The following CASS4 variants were observed in gnomAD, a reference collection of about 807,000 sequenced individuals.
CASS4 encodes the protein cas scaffolding protein family member 4.
In CASS4, 22 loss-of-function variants were observed where a neutral mutation model predicts 54.2. That is an observed-to-expected ratio of 0.41 (90% CI 0.29 to 0.58). The LOEUF is 0.58. Ranked by LOEUF, CASS4 falls within the 20% of genes least tolerant of loss-of-function variation. The pLI is 0.36. For missense variants in CASS4, 854 were observed against 986.7 expected (o/e 0.87, Z 1.80); for synonymous variants, 409 against 391.5 (o/e 1.04, Z -0.53).
chr20:56,435,899 C>T (rs911323852), intron 1 of CASS4, among the ~76,000 whole-genome samples: 4 of 152,062 alleles, frequency 2.6e-5, no homozygotes, highest in Admixed American at 6.6e-5. Context: ...TACAGGCATG[C>T]GCTACTCTGC....
intron 1 of CASS4, among the ~76,000 whole-genome samples, chr20:56,417,641 T>C (rs1294745105): frequency 2.0e-5 from 3 of 152,248 alleles, no homozygotes. Flanking sequence ...AGTTGCTCAA[T>C]ACATGCTTTG....
At chr20:56,434,582 G>A (rs930172636) in intron 1 of CASS4, among the ~76,000 whole-genome samples, 9 of 151,072 alleles carry the variant, frequency 6.0e-5, no homozygotes, top group Admixed American at 4.6e-4. Context: ...GTCTACAGGT[G>A]CACGCCACCA....
chr20:56,424,000 T>C (rs1478641457), intron 1 of CASS4, among the ~76,000 whole-genome samples: 1 of 152,188 alleles, frequency 6.6e-6, no homozygotes, highest in Non-Finnish European at 1.5e-5. Flanking sequence ...GAAACTCAGT[T>C]CTTTTCCTAG....
intron 2 of CASS4, among the ~76,000 whole-genome samples, chr20:56,443,650 G>A (rs970443356): frequency 2.6e-5 from 4 of 152,038 alleles, no homozygotes; most frequent in Non-Finnish European, 4.4e-5. Context: ...AGGTAGCATC[G>A]TGATGGGATG....
intron 1 of CASS4, among the ~76,000 whole-genome samples, chr20:56,431,911 T>G (rs1232597838): frequency 6.2e-4 from 95 of 152,356 alleles, no homozygotes; most frequent in Non-Finnish European, 4.4e-5. Context: ...GGCTTTTATT[T>G]TCCCTTTTGT....
chr20:56,436,799 A>C (rs957371579), intron 1 of CASS4, among the ~76,000 whole-genome samples: 1 of 152,038 alleles, frequency 6.6e-6, no homozygotes, highest in Non-Finnish European at 1.5e-5. Context: ...GGGTGGGAGG[A>C]CTGCCTGAGC....
At chr20:56,446,861 G>A (rs1380295647) in intron 3 of CASS4, among the ~76,000 whole-genome samples, 1 of 152,126 alleles carries the variant, frequency 6.6e-6, no homozygotes, top group Non-Finnish European at 1.5e-5. Flanking sequence ...CACAGTTCCA[G>A]TCTAAATAAA....
Position 56,451,791 on chromosome 20 carries a change from C to T in CASS4, c.643-28C>T, listed in dbSNP as rs139441315. 8.8e-5 allele frequency: 138 copies of T among 1,563,542 alleles called. No homozygotes were observed. The African/African-American group carries it at 1.6e-3, about 18-fold the overall frequency. ...GCGCCCTCTTTGGAAAGCTACTAACCCGGCAACTATGTGTGGTTCTCCCAC... is the reference window on the plus strand; with the variant it reads ...GCGCCCTCTTTGGAAAGCTACTAACTCGGCAACTATGTGTGGTTCTCCCAC... On this transcript the variant is annotated intron_variant, in intron 4 of 5. Transcript: ENST00000679887.
In CASS4 at chr20:56,412,272, A is replaced by C; in HGVS notation, c.-187A>C. On this transcript the variant is annotated 5_prime_UTR_variant, in exon 1 of 6. Transcript: ENST00000679887. This position sits in a 1 kb window ranked among gnomAD's most constrained non-coding sequence, Gnocchi z 4.2. ...GCTTCACTGCTTTCATTTTACTCTT[A>C]TCGTGCTTTCCAGAAAGTTTGCCTG... 1 of 647,250 alleles carries C rather than the reference A, an allele frequency of 1.5e-6. No homozygotes were observed. The highest frequency in any genetic ancestry group is 2.7e-6 in the Non-Finnish European group (1 of 367,252). The allele number at this position is 647,250 out of a possible 1,614,324, so 40.1% of individuals were successfully genotyped here.
intron 1 of CASS4, among the ~76,000 whole-genome samples, chr20:56,434,091 A>G (rs735780): frequency 0.13 from 19,547 of 152,194 alleles, 2,720 homozygotes; most frequent in East Asian, 0.41. Context: ...TGCACAGGGT[A>G]GATTAGGGTA....
At chr20:56,416,770 C>T (rs1350587683) in intron 1 of CASS4, among the ~76,000 whole-genome samples, 8 of 152,186 alleles carry the variant, frequency 5.3e-5, no homozygotes, top group Non-Finnish European at 1.0e-4. Flanking sequence ...CCAGTATTTT[C>T]TCTACAATCT....
intron 5 of CASS4, among the ~76,000 whole-genome samples, chr20:56,457,057 A>G (rs902077182): frequency 2.0e-5 from 3 of 152,186 alleles, no homozygotes; most frequent in African/African-American, 7.2e-5. Context: ...TTCACTTTCT[A>G]TGACAAAGAC....
intron 1 of CASS4, among the ~76,000 whole-genome samples, chr20:56,423,214 C>G (rs1325368616): frequency 6.6e-6 from 1 of 152,228 alleles, no homozygotes; most frequent in East Asian, 1.9e-4. Flanking sequence ...ATGGATAGTA[C>G]TTTTTAAAAT....
chr20:56,423,693 C>T (rs1979511413), intron 1 of CASS4, among the ~76,000 whole-genome samples: 1 of 152,074 alleles, frequency 6.6e-6, no homozygotes, highest in Non-Finnish European at 1.5e-5. Flanking sequence ...TACAGGCATG[C>T]ACCACCATGC....
Position 56,429,294 on chromosome 20 carries a change from T to TCTCTGCAGTTATG in CASS4, c.37-7866_37-7854dup, listed in dbSNP as rs1394643440. Among the ~76,000 whole-genome samples, 9 of 152,210 alleles carry TCTCTGCAGTTATG rather than the reference T, an allele frequency of 5.9e-5. No homozygotes were observed. The East Asian group carries it at 1.7e-3, about 29-fold the overall frequency. On this transcript the variant is annotated intron_variant, in intron 1 of 5. Coordinates refer to ENST00000679887, the MANE Select transcript of CASS4 (RefSeq NM_020356.4). ...CCCATTCAGCAGTGCGTCCCTCCCT[T>TCTCTGCAGTTATG]CTCTGCAGTTATGCTCCTGCTCTTC...
intron 1 of CASS4, among the ~76,000 whole-genome samples, chr20:56,416,777 A>G (rs1163599055): frequency 6.6e-6 from 1 of 152,166 alleles, no homozygotes; most frequent in African/African-American, 2.4e-5. Flanking sequence ...TTTCTCTACA[A>G]TCTGTACTTT....
chr20:56,449,168 A>G (rs1980872709), intron 3 of CASS4, among the ~76,000 whole-genome samples: 1 of 152,238 alleles, frequency 6.6e-6, no homozygotes, highest in Non-Finnish European at 1.5e-5. Flanking sequence ...ACGTATGTTT[A>G]TTGCGGCACT....
Position 56,458,693 on chromosome 20 carries a change from G to A in CASS4, c.2307G>A (p.Ala769=), listed in dbSNP as rs374797932. The A allele has an allele frequency of 1.2e-6, 2 of 1,612,276 alleles. No individual in the cohort carries two copies. The highest frequency in any genetic ancestry group is 1.7e-5 in the Admixed American group (1 of 59,932). ...CTGCCGCGCTGGGGCACCTCCAGGC[G>A]GAGGCTGAGAAGCTGGAGCAACACA... is the stretch of plus-strand genomic sequence containing the variant. ...PSPAALGHLQ[A]EAEKLEQHTR... Residue 769 remains alanine (A), a synonymous_variant, in exon 6 of 6, where the codon GCG becomes GCA. Transcript: ENST00000679887.
chr20:56,448,158 A>T (rs1458325503), intron 3 of CASS4, among the ~76,000 whole-genome samples: 2 of 149,676 alleles, frequency 1.3e-5, no homozygotes, highest in Non-Finnish European at 3.0e-5. Context: ...AAAAAAAAAA[A>T]TAGTTATCAA....
Sources: allele counts gnomAD v4.1 joint callset (sites outside exome capture counted in the v4.1 genomes callset), GRCh38; gene constraint gnomAD v4.1.1; non-coding constraint Gnocchi (gnomAD v3.1); transcripts MANE v1.5; gene names NCBI Gene and HGNC (gene_info 2026-07-23, HGNC 2026-07-21).